Variants in NFIA observed in about 807,000 individuals in gnomAD.
NFIA encodes nuclear factor I A.
In NFIA, 8 loss-of-function variants were observed where a neutral mutation model predicts 62.8. The ratio of observed to expected loss-of-function variants is 0.13; its 90% CI spans 0.07 to 0.23. The LOEUF (loss-of-function observed/expected upper bound fraction) is 0.23. NFIA is among the 10% of genes least tolerant of loss of function. The pLI is 1.00. For missense variants in NFIA, 410 were observed against 642.1 expected (o/e 0.64, Z 3.91); for synonymous variants, 235 against 238.1 (o/e 0.99, Z 0.12).
intron 3 of NFIA, among the ~76,000 whole-genome samples, chr1:61,293,307 T>A (rs1659004995): frequency 6.6e-6 from 1 of 152,198 alleles, no homozygotes; most frequent in African/African-American, 2.4e-5. Context: ...CTGGCACTCT[T>A]GACAAAATGA....
chr1:61,370,730 A>G (rs1396396002), intron 6 of NFIA, among the ~76,000 whole-genome samples: 1 of 152,160 alleles, frequency 6.6e-6, no homozygotes, highest in Non-Finnish European at 1.5e-5. Flanking sequence ...GGCTTTCCAG[A>G]CAGCTGTGAA....
intron 2 of NFIA, among the ~76,000 whole-genome samples, chr1:61,092,823 C>A (rs1482970349): frequency 1.3e-5 from 2 of 152,148 alleles, no homozygotes; most frequent in Admixed American, 1.3e-4. Context: ...ATTGAGAATT[C>A]ACTTCCTACT....
intron 10 of NFIA, 83 bp downstream of exon 10, chr1:61,426,639 G>A (rs1219364307): frequency 1.9e-6 from 2 of 1,064,400 alleles, no homozygotes; most frequent in South Asian, 1.4e-5. Flanking sequence ...TGCACAAAAG[G>A]CCACATTTTC....
At chr1:61,396,851 A>G (rs1035813324) in intron 7 of NFIA, among the ~76,000 whole-genome samples, 2 of 151,890 alleles carry the variant, frequency 1.3e-5, no homozygotes, top group Admixed American at 1.3e-4. Context: ...AAAATTCAAA[A>G]ATTAGCCAAG....
chr1:61,442,811 G>C (rs1667645846), intron 10 of NFIA, among the ~76,000 whole-genome samples: 2 of 152,104 alleles, frequency 1.3e-5, no homozygotes, highest in African/African-American at 4.8e-5. Context: ...AATCAGTCCT[G>C]GCTAAAGGCT....
In NFIA at chr1:61,244,039, C is replaced by T. The variant is rs575188558; in HGVS notation, c.560-33481C>T. Among the ~76,000 whole-genome samples the T allele has an allele frequency of 7.2e-5, 11 of 152,252 alleles. No individual in the cohort carries two copies. The South Asian group carries it at 1.5e-3, about 20-fold the overall frequency. On this transcript the variant is annotated intron_variant, in intron 2 of 10. Transcript: ENST00000403491. ...TTTACCCTTTTCTACGTAGCATACA[C>T]GTGTAATTAGTACATGGGGTGTATG...
intron 7 of NFIA, among the ~76,000 whole-genome samples, chr1:61,401,225 A>G (rs934803377): frequency 6.6e-6 from 1 of 152,198 alleles, no homozygotes; most frequent in African/African-American, 2.4e-5. Context: ...TTGAAACTAC[A>G]GGCTAAATGA....
chr1:61,413,777 C>T (rs887810181), intron 9 of NFIA, among the ~76,000 whole-genome samples: 4 of 151,244 alleles, frequency 2.6e-5, no homozygotes, highest in African/African-American at 9.7e-5. Flanking sequence ...CAGGCACCCA[C>T]CACCACACCT....
intron 6 of NFIA, among the ~76,000 whole-genome samples, chr1:61,371,511 A>G (rs1471055748): frequency 6.6e-6 from 1 of 152,234 alleles, no homozygotes; most frequent in Non-Finnish European, 1.5e-5. Context: ...ATTGGATCAC[A>G]TAAATTTTTG....
At chr1:61,305,354 C>A (rs564748191) in intron 3 of NFIA, among the ~76,000 whole-genome samples, 4 of 152,142 alleles carry the variant, frequency 2.6e-5, no homozygotes, top group African/African-American at 9.7e-5. Flanking sequence ...ACCATGCCCC[C>A]CAAAGCATCA....
At chr1:61,091,269 T>A (rs548237393) in intron 2 of NFIA, among the ~76,000 whole-genome samples, 32 of 152,344 alleles carry the variant, frequency 2.1e-4, no homozygotes, top group African/African-American at 7.5e-4. Flanking sequence ...GCTTTATGTG[T>A]CCACCTTTCT....
intron 2 of NFIA, among the ~76,000 whole-genome samples, chr1:61,169,252 A>G (rs759209653): frequency 1.3e-5 from 2 of 152,160 alleles, no homozygotes; most frequent in Non-Finnish European, 2.9e-5. Flanking sequence ...CCAGCTGTGT[A>G]ACAAGCACAG....
At chr1:61,435,355 G>A (rs533141147) in intron 10 of NFIA, among the ~76,000 whole-genome samples, 7 of 152,292 alleles carry the variant, frequency 4.6e-5, no homozygotes, top group African/African-American at 1.7e-4. Flanking sequence ...AAGCCAGTCA[G>A]GATTATTTTC....
intron 2 of NFIA, among the ~76,000 whole-genome samples, chr1:61,262,397 G>A (rs1298594565): frequency 3.9e-5 from 6 of 152,144 alleles, no homozygotes; most frequent in African/African-American, 9.7e-5. Context: ...TTTGCCTAAC[G>A]TTTTTAATGA....
chr1:61,109,361 C>CA (rs1454778448), intron 2 of NFIA, among the ~76,000 whole-genome samples: 1 of 151,636 alleles, frequency 6.6e-6, no homozygotes, highest in Non-Finnish European at 1.5e-5. Flanking sequence ...TCATTGTTCA[C>CA]AAAAAAGGTT....
intron 1 of NFIA, among the ~76,000 whole-genome samples, chr1:61,083,728 A>G (rs187891537): frequency 0.021 from 3,215 of 151,368 alleles, 57 homozygotes; most frequent in Non-Finnish European, 0.031. Flanking sequence ...CGGGAGCCGG[A>G]GCGGCGGCCC....
At chr1:61,329,940 G>A (rs906330403) in intron 3 of NFIA, among the ~76,000 whole-genome samples, 3 of 152,150 alleles carry the variant, frequency 2.0e-5, no homozygotes, top group African/African-American at 7.2e-5. Context: ...AGCCACAGTC[G>A]CAGGAGGGTG....
At chr1:61,188,796 C>G (rs1240185145) in intron 2 of NFIA, among the ~76,000 whole-genome samples, 2 of 152,138 alleles carry the variant, frequency 1.3e-5, no homozygotes, top group African/African-American at 4.8e-5. Context: ...CAGGTCATAC[C>G]TAATTTGTAT....
chr1:61,359,771 G>T (rs1345368246), intron 6 of NFIA, among the ~76,000 whole-genome samples: 1 of 151,892 alleles, frequency 6.6e-6, no homozygotes, highest in Non-Finnish European at 1.5e-5. Context: ...GTAGAGACGG[G>T]GTTTCACCAT....
Sources: allele counts gnomAD v4.1 joint callset (sites outside exome capture counted in the v4.1 genomes callset), GRCh38; gene constraint gnomAD v4.1.1; transcripts MANE v1.5; gene names NCBI Gene and HGNC (gene_info 2026-07-23, HGNC 2026-07-21).